Variants in PGM3 observed in about 807,000 individuals in gnomAD.
PGM3 encodes the protein phosphoglucomutase 3.
A neutral mutation model predicts 66.2 loss-of-function variants in PGM3; 40 were observed. The ratio of observed to expected loss-of-function variants is 0.60; its 90% CI spans 0.47 to 0.79. The LOEUF (loss-of-function observed/expected upper bound fraction) is 0.79, where lower values mean the gene tolerates loss of function less well. PGM3 is among the 30% of genes least tolerant of loss of function. The pLI is 0.00. For missense variants in PGM3, 537 were observed against 643.4 expected (o/e 0.83, Z 1.79); for synonymous variants, 191 against 224.2 (o/e 0.85, Z 1.32).
At chr6:83,153,856 T>G in the PGM3 span, 2 of 1,573,554 alleles carry the variant, frequency 1.3e-6, no homozygotes, top group Non-Finnish European at 1.7e-6. Flanking sequence ...TGATTAAAGT[T>G]AGGACACGTA....
At chr6:83,158,932 A>G (rs1319813380), downstream of PGM3, among the ~76,000 whole-genome samples, 1 of 152,208 alleles carries the variant, frequency 6.6e-6, no homozygotes, top group Non-Finnish European at 1.5e-5. Flanking sequence ...TGCAACATAT[A>G]GCCAACCCTG....
In PGM3 at chr6:83,171,740, G is replaced by T. The variant is rs1236023448; in HGVS notation, c.1365+197C>A. 6.6e-5 allele frequency among the ~76,000 whole-genome samples: 10 copies of T among 152,118 alleles called. No homozygotes were observed. In the East Asian group the frequency reaches 1.9e-3, roughly 29 times the overall value. On this transcript the variant is annotated intron_variant, in intron 11 of 12. Coordinates refer to ENST00000513973, the MANE Select transcript of PGM3 (RefSeq NM_015599.3). Reference sequence around the variant, plus strand: ...TTGACCTCATGATCCGCCCGCTTTGGCCTCCCAAAGTGCTGGGATTAAAGG... The same window carrying T: ...TTGACCTCATGATCCGCCCGCTTTGTCCTCCCAAAGTGCTGGGATTAAAGG...
the PGM3 span, among the ~76,000 whole-genome samples, chr6:83,155,027 A>G: frequency 6.6e-6 from 1 of 152,200 alleles, no homozygotes; most frequent in South Asian, 2.1e-4. Context: ...ACCTTAATCA[A>G]ATTTTAAAAG....
rs1786250180 is a variant in PGM3 at position 83,167,998 on chromosome 6, A to C, written c.*1236T>G. 9.9e-6 allele frequency: 16 copies of C among 1,614,042 alleles called. No homozygotes were observed. The highest frequency in any genetic ancestry group is 1.3e-5 in the Non-Finnish European group (15 of 1,180,036). On this transcript the variant is annotated 3_prime_UTR_variant, in exon 13 of 13. Coordinates refer to ENST00000513973, the MANE Select transcript of PGM3 (RefSeq NM_015599.3). ...GTGCTCAGTCAAGTCTTCAACAGCAAAGTCACAAGCCGATGTGGAGGACAC... is the reference window on the plus strand; with the variant it reads ...GTGCTCAGTCAAGTCTTCAACAGCACAGTCACAAGCCGATGTGGAGGACAC...
Position 83,176,022 on chromosome 6 carries a change from C to T in PGM3, c.1068G>A (p.Leu356=). 2 of 1,610,348 alleles carry T rather than the reference C, an allele frequency of 1.2e-6. No homozygotes were observed. The highest frequency in any genetic ancestry group is 1.7e-6 in the Non-Finnish European group (2 of 1,176,680). Residue 356 remains leucine, a synonymous_variant, in exon 9 of 13, where the codon TTG becomes TTA. Coordinates refer to ENST00000513973, the MANE Select transcript of PGM3 (RefSeq NM_015599.3). Reference sequence around the variant, plus strand: ...TGTCAAACTCTTGAGCCTTGTGGTGCAAATGTTTTACACCAGTCTTAGTGC... The same window carrying T: ...TGTCAAACTCTTGAGCCTTGTGGTGTAAATGTTTTACACCAGTCTTAGTGC... ...VYCTKTGVKH[L]HHKAQEFDIG...
downstream of PGM3, chr6:83,157,134 T>G: frequency 6.3e-7 from 1 of 1,584,154 alleles, no homozygotes; most frequent in Non-Finnish European, 8.6e-7. Flanking sequence ...GAAAGTTTTA[T>G]GTGATAAAGA....
chr6:83,187,786 G>C (rs954878740), intron 3 of PGM3, among the ~76,000 whole-genome samples: 12 of 152,162 alleles, frequency 7.9e-5, no homozygotes, highest in African/African-American at 2.9e-4. Context: ...CCTGGTGACA[G>C]AGCGAGACTC....
At position 83,168,346 on chromosome 6, in the gene PGM3, A is replaced by T; in HGVS notation, c.*888T>A. 1 of 1,409,348 alleles carries T rather than the reference A, an allele frequency of 7.1e-7. No homozygotes were observed. The highest frequency in any genetic ancestry group is 9.2e-7 in the Non-Finnish European group (1 of 1,086,930). 87.3% of individuals were successfully genotyped at this position (1,409,348 alleles called of 1,614,324 possible). A position where few individuals can be genotyped will look rare whatever the true frequency, so the allele number is the denominator to read the frequency against. ...TGAATGTGGCCTGAATCAAGTTTAA[A>T]TATTGTTGGCTCATACTGATTATGG... is the stretch of plus-strand genomic sequence containing the variant. On this transcript the variant is annotated 3_prime_UTR_variant, in exon 13 of 13. Coordinates refer to ENST00000513973, the MANE Select transcript of PGM3 (RefSeq NM_015599.3).
At chr6:83,162,924 C>T (rs375249943), downstream of PGM3, 53 of 1,608,760 alleles carry the variant, frequency 3.3e-5, no homozygotes, top group Non-Finnish European at 4.2e-5. Context: ...GCAAAGGTAT[C>T]GCATTCTTTT....
downstream of PGM3, chr6:83,158,734 TTATC>T: frequency 1.3e-6 from 1 of 745,348 alleles, no homozygotes; most frequent in South Asian, 1.9e-5. Context: ...TTATTTATTA[TTATC>T]TAATTGATTA....
Position 83,166,005 on chromosome 6 carries a change from C to T in PGM3, c.*3229G>A, listed in dbSNP as rs895960813. On this transcript the variant is annotated 3_prime_UTR_variant, in exon 13 of 13. Coordinates refer to ENST00000513973, the MANE Select transcript of PGM3 (RefSeq NM_015599.3). ...TTTGGCTTTGGGAAGTGCTTTGGAG[C>T]TTCTTTCAGTCCAGCCACTGAGCTG... The T allele has an allele frequency of 9.8e-6, 3 of 304,616 alleles. No homozygotes were observed. In the Admixed American group the frequency reaches 1.2e-4, roughly 12 times the overall value. The allele number at this position is 304,616 out of a possible 1,614,324, so 18.9% of individuals were successfully genotyped here.
intron 11 of PGM3, among the ~76,000 whole-genome samples, chr6:83,171,732 C>A (rs968167049): frequency 6.6e-6 from 1 of 152,158 alleles, no homozygotes; most frequent in Non-Finnish European, 1.5e-5. Flanking sequence ...CATGATCCGC[C>A]CGCTTTGGCC....
At chr6:83,162,707 A>G (rs1300044072), downstream of PGM3, 3 of 1,437,682 alleles carry the variant, frequency 2.1e-6, no homozygotes, top group East Asian at 2.3e-5. Flanking sequence ...TGGGGTCATG[A>G]TCTTTCTACT....
downstream of PGM3, among the ~76,000 whole-genome samples, chr6:83,156,579 G>A (rs1415413656): frequency 6.6e-6 from 1 of 152,104 alleles, no homozygotes; most frequent in Non-Finnish European, 1.5e-5. Context: ...TATCCAGAAG[G>A]ATATCAGTAC....
chr6:83,176,327 AC>A (rs1489701666), intron 8 of PGM3, among the ~76,000 whole-genome samples: 5 of 152,192 alleles, frequency 3.3e-5, no homozygotes, highest in Admixed American at 3.3e-4. Context: ...GCGTGACATG[AC>A]CTAACTGTTT....
the PGM3 span, among the ~76,000 whole-genome samples, chr6:83,152,881 G>A: frequency 6.6e-6 from 1 of 152,132 alleles, no homozygotes; most frequent in East Asian, 1.9e-4. Flanking sequence ...GCTTCCCAAA[G>A]TGCTGAGGTT....
chr6:83,156,462 G>C (rs1782815487), downstream of PGM3, among the ~76,000 whole-genome samples: 1 of 152,224 alleles, frequency 6.6e-6, no homozygotes, highest in Admixed American at 6.5e-5. Flanking sequence ...GGCAAAGCCA[G>C]GAAATTGTGG....
intron 2 of PGM3, among the ~76,000 whole-genome samples, chr6:83,190,144 CTA>C (rs1338691531): frequency 2.0e-5 from 3 of 152,154 alleles, no homozygotes; most frequent in African/African-American, 7.2e-5. Context: ...AACAAGGTAA[CTA>C]TGTGAGCTAA....
chr6:83,152,326 CCTT>C, the PGM3 span: 4 of 1,572,010 alleles, frequency 2.5e-6, no homozygotes, highest in Non-Finnish European at 3.4e-6. Context: ...AAACATAACT[CCTT>C]CTGTATATAG....
Sources: gnomAD v4.1 joint callset for allele counts (sites outside exome capture counted in the v4.1 genomes callset) on GRCh38, gnomAD v4.1.1 for gene constraint, MANE v1.5 for transcripts, NCBI Gene and HGNC (gene_info 2026-07-23, HGNC 2026-07-21) for gene names.